MGAT4C: variants seen among roughly 807,000 people sequenced by gnomAD.
The protein encoded by MGAT4C is MGAT4 family member C.
A neutral mutation model predicts 40.1 loss-of-function variants in MGAT4C; 19 were observed. The ratio of observed to expected loss-of-function variants is 0.47; its 90% CI spans 0.33 to 0.70. The LOEUF (loss-of-function observed/expected upper bound fraction) is 0.70, where lower values mean the gene tolerates loss of function less well. Ranked by LOEUF, MGAT4C falls within the 30% of genes least tolerant of loss-of-function variation. The pLI is 0.02. For synonymous variants in MGAT4C, 181 were observed against 187.1 expected, an observed-to-expected ratio of 0.97 and a Z score of 0.27; for missense variants, 491 against 563.2, an observed-to-expected ratio of 0.87 and a Z score of 1.30.
At chr12:86,650,541 G>T (rs925778618) in intron 2 of MGAT4C, among the ~76,000 whole-genome samples, 1 of 151,686 alleles carries the variant, frequency 6.6e-6, no homozygotes, top group African/African-American at 2.4e-5. Flanking sequence ...CTTTTCCAAG[G>T]GACTGAAATT....
At chr12:86,709,894 A>T (rs1412806752) in intron 2 of MGAT4C, among the ~76,000 whole-genome samples, 2 of 152,160 alleles carry the variant, frequency 1.3e-5, no homozygotes, top group Non-Finnish European at 2.9e-5. Context: ...GATGGCATAA[A>T]ATTCTTGTAT....
At chr12:86,508,617 C>T (rs1958515261) in intron 2 of MGAT4C, among the ~76,000 whole-genome samples, 1 of 151,658 alleles carries the variant, frequency 6.6e-6, no homozygotes, top group African/African-American at 2.4e-5. Flanking sequence ...AGTTCTAGAT[C>T]CCTGAGGAAT....
intron 1 of MGAT4C, among the ~76,000 whole-genome samples, chr12:86,744,851 C>T (rs895809219): frequency 3.3e-5 from 5 of 151,372 alleles, no homozygotes; most frequent in Non-Finnish European, 7.4e-5. Context: ...ACAGTATGAA[C>T]AATTTTATGA....
At chr12:86,390,434 G>T (rs1288511187) in intron 3 of MGAT4C, among the ~76,000 whole-genome samples, 1 of 151,748 alleles carries the variant, frequency 6.6e-6, no homozygotes, top group Non-Finnish European at 1.5e-5. Context: ...ATCTAGTCTG[G>T]GAAAATATTT....
chr12:86,043,063 A>C (rs1209428759), intron 2 of MGAT4C, among the ~76,000 whole-genome samples: 1 of 152,098 alleles, frequency 6.6e-6, no homozygotes, highest in African/African-American at 2.4e-5. Flanking sequence ...GGGGATGGTC[A>C]TCTTATGTAG....
chr12:86,460,965 A>G (rs1281936286), intron 2 of MGAT4C, among the ~76,000 whole-genome samples: 3 of 152,104 alleles, frequency 2.0e-5, no homozygotes, highest in Non-Finnish European at 4.4e-5. Context: ...ACAATGCAAG[A>G]GTTTTAAAGT....
At chr12:86,209,561 T>C (rs1445750122) in intron 1 of MGAT4C, among the ~76,000 whole-genome samples, 2 of 152,168 alleles carry the variant, frequency 1.3e-5, no homozygotes, top group African/African-American at 4.8e-5. Flanking sequence ...CATCAGCTTT[T>C]GGGACACATG....
chr12:86,600,206 T>C (rs959773525), intron 2 of MGAT4C, among the ~76,000 whole-genome samples: 29 of 152,160 alleles, frequency 1.9e-4, no homozygotes, highest in African/African-American at 7.0e-4. Flanking sequence ...AGGACAGTTA[T>C]GACAGATGCT....
chr12:86,040,610 A>G (rs1891716251), intron 2 of MGAT4C, among the ~76,000 whole-genome samples: 1 of 152,062 alleles, frequency 6.6e-6, no homozygotes, highest in African/African-American at 2.4e-5. Context: ...TCCCAGGTAG[A>G]GTTCAGTCCC....
intron 3 of MGAT4C, among the ~76,000 whole-genome samples, chr12:86,354,668 C>T (rs1955266498): frequency 6.6e-6 from 1 of 152,110 alleles, no homozygotes. Context: ...AGAAATTATT[C>T]AATTTGGACA....
chr12:86,264,585 T>G (rs1952739944), intron 4 of MGAT4C, among the ~76,000 whole-genome samples: 1 of 152,154 alleles, frequency 6.6e-6, no homozygotes. Flanking sequence ...CAGGTGAAGC[T>G]GCAGCCACCC....
intron 1 of MGAT4C, among the ~76,000 whole-genome samples, chr12:86,769,756 A>T (rs1332975915): frequency 6.6e-6 from 1 of 152,226 alleles, no homozygotes; most frequent in Admixed American, 6.5e-5. Context: ...TCAGTAAACT[A>T]TCGCAAGGAC....
intron 4 of MGAT4C, among the ~76,000 whole-genome samples, chr12:86,264,756 C>T (rs1288245189): frequency 6.6e-6 from 1 of 151,058 alleles, no homozygotes; most frequent in Non-Finnish European, 1.5e-5. Flanking sequence ...CCCCAGCAGG[C>T]TCAGAAGTGC....
At chr12:86,336,658 T>G (rs1291861994) in intron 3 of MGAT4C, among the ~76,000 whole-genome samples, 2 of 152,046 alleles carry the variant, frequency 1.3e-5, no homozygotes, top group Non-Finnish European at 2.9e-5. Context: ...TCCAGGCAAT[T>G]TTCAGTAGGG....
chr12:86,709,433 T>A (rs1950518945), intron 2 of MGAT4C, among the ~76,000 whole-genome samples: 1 of 152,116 alleles, frequency 6.6e-6, no homozygotes, highest in Admixed American at 6.5e-5. Context: ...ATTTATGTAA[T>A]AAAATTATCA....
At chr12:86,475,900 T>C (rs1957828246) in intron 2 of MGAT4C, among the ~76,000 whole-genome samples, 1 of 152,086 alleles carries the variant, frequency 6.6e-6, no homozygotes, top group African/African-American at 2.4e-5. Context: ...ACCGAGAATT[T>C]CTGTGTTATT....
At chr12:86,249,886 A>C (rs1952195675) in intron 1 of MGAT4C, among the ~76,000 whole-genome samples, 1 of 152,166 alleles carries the variant, frequency 6.6e-6, no homozygotes, top group South Asian at 2.1e-4. Context: ...AGAATAAATC[A>C]CTCCTTGTGG....
chr12:86,818,868 C>A (rs367982884), intron 1 of MGAT4C, among the ~76,000 whole-genome samples: 2 of 150,866 alleles, frequency 1.3e-5, no homozygotes, highest in South Asian at 2.1e-4. Context: ...ATTTAAACAG[C>A]CACTTCACTA....
chr12:85,980,971 T>C (rs1273788635), intron 4 of MGAT4C, among the ~76,000 whole-genome samples: 1 of 152,156 alleles, frequency 6.6e-6, no homozygotes, highest in Non-Finnish European at 1.5e-5. Context: ...TTTTCAGTTT[T>C]CTTTTTTTTG....
Sources: gnomAD v4.1 joint callset for allele counts (sites outside exome capture counted in the v4.1 genomes callset) on GRCh38, gnomAD v4.1.1 for gene constraint, MANE v1.5 for transcripts, NCBI Gene and HGNC (gene_info 2026-07-23, HGNC 2026-07-21) for gene names.